The following PATJ variants were observed in gnomAD, a reference collection of about 807,000 sequenced individuals.
The protein encoded by PATJ is inaD-like protein.
In PATJ, 190 loss-of-function variants were observed where a neutral mutation model predicts 224.9. That is an observed-to-expected ratio of 0.84 (90% CI 0.75 to 0.95). PATJ has a LOEUF of 0.95. PATJ is among the 40% of genes least tolerant of loss of function. The pLI is 0.00. For missense variants in PATJ, 2,121 were observed against 2,270.3 expected, an observed-to-expected ratio of 0.93 and a Z score of 1.34; for synonymous variants, 769 against 820.3, an observed-to-expected ratio of 0.94 and a Z score of 1.07.
At chr1:61,983,113 G>C (rs1487685919) in intron 27 of PATJ, among the ~76,000 whole-genome samples, 2 of 151,900 alleles carry the variant, frequency 1.3e-5, no homozygotes, top group African/African-American at 4.9e-5. Context: ...CCTTTTGCCT[G>C]AATTAAAAGT....
intron 41 of PATJ, 147 bp downstream of exon 41, chr1:62,129,092 T>C (rs2148948685): frequency 2.0e-6 from 1 of 506,992 alleles, no homozygotes; most frequent in East Asian, 2.9e-5. Flanking sequence ...ATTATTATTT[T>C]TATTCAGAAA....
intron 7 of PATJ, among the ~76,000 whole-genome samples, chr1:61,783,097 G>A (rs1237559661): frequency 6.6e-6 from 1 of 152,154 alleles, no homozygotes; most frequent in Non-Finnish European, 1.5e-5. Flanking sequence ...TCAGTGTAGA[G>A]TAAGGAAGGC....
chr1:61,964,489 C>T (rs1229300414), intron 27 of PATJ, among the ~76,000 whole-genome samples: 1 of 152,088 alleles, frequency 6.6e-6, no homozygotes, highest in Non-Finnish European at 1.5e-5. Context: ...TTCCATGACA[C>T]ATAGAAAAGA....
intron 31 of PATJ, chr1:62,054,456 G>A (rs1174503630): frequency 1.2e-5 from 3 of 249,626 alleles, no homozygotes; most frequent in Admixed American, 4.2e-5. Flanking sequence ...GTTGGCTTTG[G>A]ACTGTGTCTC....
chr1:61,979,195 G>C (rs888715353), intron 27 of PATJ, among the ~76,000 whole-genome samples: 5 of 152,028 alleles, frequency 3.3e-5, no homozygotes, highest in Non-Finnish European at 7.3e-5. Flanking sequence ...AAAAGAAGTA[G>C]TTTACTTATC....
At chr1:61,871,070 G>GTTTTTTTTTTTTT (rs1247341544) in intron 20 of PATJ, among the ~76,000 whole-genome samples, 3 of 78,096 alleles carry the variant, frequency 3.8e-5, no homozygotes, top group Non-Finnish European at 8.2e-5. Context: ...TTTGGTTTTT[G>GTTTTTTTTTTTTT]TTTTTTTTGT....
intron 22 of PATJ, among the ~76,000 whole-genome samples, chr1:61,894,226 C>G (rs972937618): frequency 6.6e-6 from 1 of 151,358 alleles, no homozygotes. Context: ...TGCACTCCAG[C>G]CTGGGCAACA....
At chr1:62,088,496 G>A (rs1045949092) in intron 33 of PATJ, among the ~76,000 whole-genome samples, 3 of 152,124 alleles carry the variant, frequency 2.0e-5, no homozygotes, top group African/African-American at 7.2e-5. Context: ...GCCAAACTCA[G>A]AGGTGATGCT....
At chr1:61,811,126 A>G (rs1177783432) in intron 14 of PATJ, among the ~76,000 whole-genome samples, 7 of 152,198 alleles carry the variant, frequency 4.6e-5, no homozygotes, top group Admixed American at 4.6e-4. Flanking sequence ...CCTGCCTCAT[A>G]GATTTATATA....
intron 33 of PATJ, among the ~76,000 whole-genome samples, chr1:62,102,859 C>CA (rs1162014751): frequency 0.028 from 1,317 of 46,836 alleles, 62 homozygotes; most frequent in South Asian, 0.052. Flanking sequence ...TACCCTGTCT[C>CA]AAAAAAAAAA....
chr1:61,828,900 G>T (rs549577102), intron 16 of PATJ, among the ~76,000 whole-genome samples: 1 of 152,194 alleles, frequency 6.6e-6, no homozygotes, highest in East Asian at 1.9e-4. Flanking sequence ...TTGGGCAAAT[G>T]ACTTTCTGTT....
At chr1:61,894,682 CAGGT>C (rs1557836020) in intron 22 of PATJ, among the ~76,000 whole-genome samples, 1 of 152,178 alleles carries the variant, frequency 6.6e-6, no homozygotes, top group Non-Finnish European at 1.5e-5. Flanking sequence ...TACCCAGTCT[CAGGT>C]AGTATCTTTA....
intron 16 of PATJ, among the ~76,000 whole-genome samples, chr1:61,828,401 GTTT>G (rs34139565): frequency 7.1e-6 from 1 of 141,048 alleles, no homozygotes; most frequent in Non-Finnish European, 1.5e-5. Context: ...TATGAAAAGA[GTTT>G]TTTTTTTTTT....
Position 62,138,431 on chromosome 1 carries a change from C to A in PATJ, c.5271+9486C>A, listed in dbSNP as rs113268565. On this transcript the variant is annotated intron_variant, in intron 41 of 43. Transcript: ENST00000642238. ...CAAGTGATTCTCCTGCCTCAGCCTCCCTAGTAACTGGGATTACAGGTGTGT... is the reference window on the plus strand; with the variant it reads ...CAAGTGATTCTCCTGCCTCAGCCTCACTAGTAACTGGGATTACAGGTGTGT... Among the ~76,000 whole-genome samples, 193 of 152,230 alleles carry A rather than the reference C, an allele frequency of 1.3e-3. 2 individuals are homozygous for A. Among genetic ancestry groups the A allele is most frequent in the African/African-American group, 4.5e-3 (188 of 41,556 alleles).
intron 33 of PATJ, among the ~76,000 whole-genome samples, chr1:62,089,389 A>AG (rs1660441777): frequency 6.8e-6 from 1 of 146,618 alleles, no homozygotes; most frequent in South Asian, 2.1e-4. Flanking sequence ...GAGGCAGCTA[A>AG]AAAAAAAAAA....
intron 22 of PATJ, among the ~76,000 whole-genome samples, chr1:61,893,219 T>A (rs1669849010): frequency 6.6e-6 from 1 of 152,162 alleles, no homozygotes; most frequent in African/African-American, 2.4e-5. Flanking sequence ...TATGAACTCA[T>A]CTGAATAAAA....
chr1:61,915,127 TA>T (rs1217604376), intron 26 of PATJ, among the ~76,000 whole-genome samples: 2 of 152,246 alleles, frequency 1.3e-5, no homozygotes, highest in African/African-American at 4.8e-5. Context: ...TGCCCACCTC[TA>T]TTAAAGTAGA....
At chr1:62,132,798 C>T (rs559665558) in intron 41 of PATJ, among the ~76,000 whole-genome samples, 14 of 149,924 alleles carry the variant, frequency 9.3e-5, no homozygotes, top group Admixed American at 3.3e-4. Flanking sequence ...CAGCTACTGG[C>T]GAGGCTGGGG....
intron 17 of PATJ, among the ~76,000 whole-genome samples, chr1:61,846,463 G>A (rs542339857): frequency 6.6e-6 from 1 of 152,160 alleles, no homozygotes; most frequent in East Asian, 1.9e-4. Context: ...GGAAGATAAT[G>A]GACTATTTCT....
Sources: allele counts gnomAD v4.1 joint callset (sites outside exome capture counted in the v4.1 genomes callset), GRCh38; gene constraint gnomAD v4.1.1; transcripts MANE v1.5; gene names NCBI Gene and HGNC (gene_info 2026-07-23, HGNC 2026-07-21).